TRPV2: variants seen among roughly 807,000 people sequenced by gnomAD.
The protein encoded by TRPV2 is transient receptor potential cation channel subfamily V member 2.
TRPV2 carries 58 observed loss-of-function variants against 91.0 expected under a neutral mutation model. That is an observed-to-expected ratio of 0.64 (90% CI 0.52 to 0.79). The LOEUF is 0.79. TRPV2 is among the 30% of genes least tolerant of loss of function. TRPV2 has a pLI of 0.00. For synonymous variants in TRPV2, 417 were observed against 414.8 expected, an observed-to-expected ratio of 1.01 and a Z score of -0.06; for missense variants, 807 against 969.6, an observed-to-expected ratio of 0.83 and a Z score of 2.23.
chr17:16,424,319 G>T (rs2093372849), intron 5 of TRPV2, among the ~76,000 whole-genome samples: 2 of 152,014 alleles, frequency 1.3e-5, no homozygotes, highest in African/African-American at 4.8e-5. Flanking sequence ...CACCATGCCT[G>T]GCTAATTTTT....
At position 16,429,823 on chromosome 17, in the gene TRPV2, C is replaced by A. The variant is rs145805439; in HGVS notation, c.1587+841C>A. 6.3e-4 allele frequency among the ~76,000 whole-genome samples: 87 copies of A among 137,018 alleles called. 1 individual carries two copies. The East Asian group carries it at 0.015, about 24-fold the overall frequency. The allele number at this position is 137,018 out of a possible 152,430, so 89.9% of individuals were successfully genotyped here. ...GGAGGGATTTGGAGGTCCCCAGAGGCTTTTTTTTTTTTAATTGTAGTAAAA... is the reference window on the plus strand; with the variant it reads ...GGAGGGATTTGGAGGTCCCCAGAGGATTTTTTTTTTTTAATTGTAGTAAAA... On this transcript the variant is annotated intron_variant, in intron 10 of 14. Coordinates refer to ENST00000338560, the MANE Select transcript of TRPV2 (RefSeq NM_016113.5).
At chr17:16,419,287 A>G (rs901719053) in intron 2 of TRPV2, 5 of 470,512 alleles carry the variant, frequency 1.1e-5, no homozygotes, top group Middle Eastern at 6.7e-4. Flanking sequence ...AGACGCTGCT[A>G]GATTCTAGAT....
intron 10 of TRPV2, among the ~76,000 whole-genome samples, chr17:16,431,050 GTTTT>G (rs2093407568): frequency 7.3e-6 from 1 of 136,912 alleles, no homozygotes; most frequent in African/African-American, 3.0e-5. Context: ...TTTTTTTTTT[GTTTT>G]TTGTTTTTTG....
chr17:16,423,907 A>C, intron 5 of TRPV2, 140 bp downstream of exon 5: 1 of 697,454 alleles, frequency 1.4e-6, no homozygotes, highest in South Asian at 2.9e-5. Context: ...TTAGTAAGAA[A>C]ATTTTCAGTA....
At chr17:16,422,561 A>G (rs2093363049) in intron 3 of TRPV2, 38 bp from the exon 4 acceptor site, 2 of 1,592,574 alleles carry the variant, frequency 1.3e-6, no homozygotes, top group South Asian at 2.3e-5. Context: ...TCCAGGTCTC[A>G]GCACCACTGT....
At chr17:16,418,184 T>C (rs1014177128) in intron 2 of TRPV2, among the ~76,000 whole-genome samples, 1 of 152,208 alleles carries the variant, frequency 6.6e-6, no homozygotes, top group East Asian at 1.9e-4. Context: ...ACCCCTGTCA[T>C]GGTCCCTGTT....
At chr17:16,428,650 T>G in intron 9 of TRPV2, 167 bp from the exon 10 acceptor site, 1 of 762,204 alleles carries the variant, frequency 1.3e-6, no homozygotes, top group Non-Finnish European at 2.1e-6. Context: ...ACTCTATGAG[T>G]CAGGCATCAT....
intron 3 of TRPV2, among the ~76,000 whole-genome samples, chr17:16,422,349 G>GA (rs543980300): frequency 6.7e-6 from 1 of 148,736 alleles, no homozygotes; most frequent in Non-Finnish European, 1.5e-5. Context: ...GAAAAGAAAA[G>GA]AAAAGAAAAA....
intron 10 of TRPV2, among the ~76,000 whole-genome samples, chr17:16,431,283 ATATACATATT>A (rs1352067428): frequency 1.1e-3 from 54 of 51,298 alleles, no homozygotes; most frequent in Middle Eastern, 0.012. Context: ...ATATATATAT[ATATACATATT>A]TTTTTTTTTT....
At chr17:16,431,282 T>C (rs867850947) in intron 10 of TRPV2, among the ~76,000 whole-genome samples, 32 of 55,720 alleles carry the variant, frequency 5.7e-4, no homozygotes, top group East Asian at 7.0e-4. Context: ...TATATATATA[T>C]ATATACATAT....
rs140127588 is a variant in TRPV2 at position 16,428,901 on chromosome 17, G to T, written c.1506G>T (p.Ala502=). The stretch of plus-strand genomic sequence containing the variant: ...GGTACCTGCCCCTGCTTGTGTCTGC[G>T]CTGGTGCTGGGCTGGCTGAACCTGC... The part of the protein sequence containing the change: ...IEWYLPLLVS[A]LVLGWLNLLY... The change falls in exon 10 of 15, where the codon GCG becomes GCT. Residue 502 remains alanine, a synonymous_variant. Coordinates refer to ENST00000338560, the MANE Select transcript of TRPV2 (RefSeq NM_016113.5). The T allele has an allele frequency of 2.3e-4, 372 of 1,614,162 alleles. 1 individual carries two copies. The African/African-American group carries it at 3.9e-3, about 17-fold the overall frequency.
intron 2 of TRPV2, among the ~76,000 whole-genome samples, chr17:16,419,634 G>T (rs2093347118): frequency 6.6e-6 from 1 of 152,206 alleles, no homozygotes; most frequent in Non-Finnish European, 1.5e-5. Flanking sequence ...GTAGTTAATA[G>T]ATGGTTTCTA....
At chr17:16,436,674 T>C in intron 14 of TRPV2, 115 bp from the exon 15 acceptor site, 1 of 738,490 alleles carries the variant, frequency 1.4e-6, no homozygotes, top group Non-Finnish European at 2.4e-6. Context: ...CCAGGATCGC[T>C]GAGGCTGTCC....
At chr17:16,419,747 C>T (rs1568903889) in intron 2 of TRPV2, among the ~76,000 whole-genome samples, 1 of 152,206 alleles carries the variant, frequency 6.6e-6, no homozygotes, top group Admixed American at 6.5e-5. Context: ...AGATCCAGCC[C>T]CAAGCTCAAG....
intron 1 of TRPV2, among the ~76,000 whole-genome samples, chr17:16,417,246 A>AAAACC (rs1366325178): frequency 2.7e-5 from 4 of 149,488 alleles, no homozygotes; most frequent in Non-Finnish European, 4.4e-5. Context: ...AGTAATGGCA[A>AAAACC]AAACCGCAAT....
intron 10 of TRPV2, among the ~76,000 whole-genome samples, chr17:16,429,690 C>G (rs1279340573): frequency 6.6e-6 from 1 of 151,940 alleles, no homozygotes; most frequent in African/African-American, 2.4e-5. Context: ...CCAGAAGGAG[C>G]TTGGGGTGCT....
chr17:16,428,177 T>C (rs1236720945), intron 8 of TRPV2, 140 bp from the exon 9 acceptor site: 2 of 736,614 alleles, frequency 2.7e-6, no homozygotes, highest in Non-Finnish European at 4.7e-6. Context: ...ATCTCAGCTA[T>C]CAGAAGTATT....
chr17:16,436,882 C>A lies in TRPV2; in HGVS notation c.2288C>A (p.Ser763Tyr). ...TATGTGCCCGTCCAGCTCCTCCAGT[C>A]CAACTGATGGCCCAGATGCAGCAGG... is the stretch of plus-strand genomic sequence containing the variant. ...ENYVPVQLLQSN is the reference protein window; with the variant it reads ...ENYVPVQLLQYN Residue 763 changes from serine to tyrosine, a missense_variant, in exon 15 of 15, where the codon TCC (serine) becomes TAC (tyrosine). Coordinates refer to ENST00000338560, the MANE Select transcript of TRPV2 (RefSeq NM_016113.5). 6.2e-7 allele frequency: 1 copy of A among 1,613,702 alleles called. No homozygotes were observed. Among genetic ancestry groups the A allele is most frequent in the South Asian group, 1.1e-5 (1 of 91,080 alleles).
intron 2 of TRPV2, among the ~76,000 whole-genome samples, chr17:16,419,742 C>T (rs750891715): frequency 6.6e-6 from 1 of 152,236 alleles, no homozygotes; most frequent in Non-Finnish European, 1.5e-5. Flanking sequence ...TATCCAGATC[C>T]AGCCCCAAGC....
Sources: allele counts gnomAD v4.1 joint callset (sites outside exome capture counted in the v4.1 genomes callset), GRCh38; gene constraint gnomAD v4.1.1; transcripts MANE v1.5; gene names NCBI Gene and HGNC (gene_info 2026-07-23, HGNC 2026-07-21).